The following ATP8B4 variants were observed in gnomAD, a reference collection of about 807,000 sequenced individuals.
ATP8B4 encodes the protein probable phospholipid-transporting ATPase IM.
A neutral mutation model predicts 145.6 loss-of-function variants in ATP8B4; 133 were observed. That is an observed-to-expected ratio of 0.91 (90% CI 0.79 to 1.05). The LOEUF is 1.05. Among genes scored for constraint, ATP8B4 ranks in the 50% least tolerant of loss-of-function variants. ATP8B4 has a pLI of 0.00. For synonymous variants in ATP8B4, 507 were observed against 492.9 expected (o/e 1.03, Z -0.38); for missense variants, 1,458 against 1,425.2 (o/e 1.02, Z -0.37).
rs56814126 is a variant in ATP8B4, at chr15:50,027,379, G to GTGGATGGATGGATGGATGGATGGATGGA, written c.362+11361_362+11388dup. Reference sequence around the variant, plus strand: ...TGTTATTTAAATATGGGATGGATGGGTGGATGGATGGATGGATGGATGGAT... The same window carrying GTGGATGGATGGATGGATGGATGGATGGA: ...TGTTATTTAAATATGGGATGGATGGGTGGATGGATGGATGGATGGATGGATGGATGGATGGATGGATGGATGGATGGAT... On this transcript the variant is annotated intron_variant, in intron 6 of 27. Coordinates refer to ENST00000284509, the MANE Select transcript of ATP8B4 (RefSeq NM_024837.4). Among the ~76,000 whole-genome samples, 627 of 149,018 alleles carry GTGGATGGATGGATGGATGGATGGATGGA rather than the reference G, an allele frequency of 4.2e-3. 2 individuals are homozygous for GTGGATGGATGGATGGATGGATGGATGGA. Among genetic ancestry groups the GTGGATGGATGGATGGATGGATGGATGGA allele is most frequent in the African/African-American group, 0.011 (444 of 39,918 alleles).
intron 1 of ATP8B4, among the ~76,000 whole-genome samples, chr15:50,163,690 C>A (rs1032073748): frequency 4.6e-5 from 7 of 152,182 alleles, no homozygotes; most frequent in African/African-American, 1.7e-4. Context: ...ATGGTGAATC[C>A]AGCCTTGCTT....
chr15:49,897,571 G>T, intron 22 of ATP8B4, 56 bp from the exon 23 acceptor site: 1 of 1,371,758 alleles, frequency 7.3e-7, no homozygotes, highest in Non-Finnish European at 9.6e-7. Context: ...ATCTCTTTTG[G>T]AAACTTGTCA....
At chr15:50,087,223 CTA>C (rs1195664484) in intron 2 of ATP8B4, among the ~76,000 whole-genome samples, 4 of 126,736 alleles carry the variant, frequency 3.2e-5, no homozygotes, top group Non-Finnish European at 4.8e-5. Flanking sequence ...ATATATAGAT[CTA>C]TATTTATTAT....
intron 6 of ATP8B4, among the ~76,000 whole-genome samples, chr15:50,014,339 C>T (rs1473951475): frequency 6.6e-6 from 1 of 152,260 alleles, no homozygotes; most frequent in African/African-American, 2.4e-5. Context: ...TTGTTCACCA[C>T]TCCATCCTGA....
chr15:49,866,606 C>G, intron 25 of ATP8B4, 122 bp from the exon 26 acceptor site: 1 of 1,175,072 alleles, frequency 8.5e-7, no homozygotes, highest in South Asian at 1.5e-5. Flanking sequence ...AGTTGCCAAG[C>G]CAACCGCGGG....
intron 1 of ATP8B4, among the ~76,000 whole-genome samples, chr15:50,162,312 T>C (rs1293492678): frequency 2.7e-5 from 4 of 150,708 alleles, no homozygotes; most frequent in African/African-American, 9.7e-5. Context: ...ATTAATATCT[T>C]TATTTATATA....
intron 1 of ATP8B4, among the ~76,000 whole-genome samples, chr15:50,118,614 C>T (rs2057221555): frequency 6.6e-6 from 1 of 152,174 alleles, no homozygotes; most frequent in Non-Finnish European, 1.5e-5. Flanking sequence ...AACAAAACAA[C>T]TAGAAGGATA....
intron 1 of ATP8B4, among the ~76,000 whole-genome samples, chr15:50,150,611 C>A (rs1240280409): frequency 6.6e-6 from 1 of 152,170 alleles, no homozygotes; most frequent in Admixed American, 6.5e-5. Context: ...GAGTTTGAAG[C>A]GAAGCTCTCA....
intron 3 of ATP8B4, among the ~76,000 whole-genome samples, chr15:50,072,749 C>A (rs922335708): frequency 1.3e-5 from 2 of 151,464 alleles, no homozygotes; most frequent in Non-Finnish European, 2.9e-5. Flanking sequence ...CCTCAGCCTC[C>A]CGAGTAGCTG....
chr15:49,958,429 T>C (rs1056369717), intron 14 of ATP8B4, among the ~76,000 whole-genome samples: 17 of 151,608 alleles, frequency 1.1e-4, no homozygotes, highest in African/African-American at 3.9e-4. Context: ...GCAGAAGTTA[T>C]TGATTAAAAT....
At chr15:49,940,020 C>T (rs796576935) in intron 14 of ATP8B4, among the ~76,000 whole-genome samples, 62 of 152,140 alleles carry the variant, frequency 4.1e-4, no homozygotes, top group African/African-American at 1.5e-3. Flanking sequence ...ACAGAACTAC[C>T]ATTTAAGCCA....
intron 2 of ATP8B4, among the ~76,000 whole-genome samples, chr15:50,105,482 T>C (rs989929455): frequency 3.3e-5 from 5 of 152,152 alleles, no homozygotes; most frequent in African/African-American, 9.7e-5. Flanking sequence ...AATAATGTTA[T>C]TGAGAAATGT....
intron 3 of ATP8B4, among the ~76,000 whole-genome samples, chr15:50,054,172 TA>T (rs1365521875): frequency 9.2e-5 from 14 of 152,216 alleles, no homozygotes; most frequent in Non-Finnish European, 8.8e-5. Flanking sequence ...CTTCACAGCT[TA>T]ACCCAGTAAG....
intron 3 of ATP8B4, among the ~76,000 whole-genome samples, chr15:50,051,956 GT>G (rs1268542604): frequency 1.3e-5 from 2 of 152,166 alleles, no homozygotes; most frequent in African/African-American, 4.8e-5. Flanking sequence ...TACTCGTTCT[GT>G]TGTAACTTAG....
intron 1 of ATP8B4, among the ~76,000 whole-genome samples, chr15:50,158,566 G>T (rs896175653): frequency 3.9e-5 from 6 of 152,172 alleles, no homozygotes; most frequent in Non-Finnish European, 8.8e-5. Flanking sequence ...GGGAAGTGAG[G>T]AGCCCCTCTG....
Position 49,864,323 on chromosome 15 carries a change from C to CTAT in ATP8B4, c.3167-1951_3167-1949dup, listed in dbSNP as rs545190244. ...TTGTAACCTTACTAACCTTATAATC[C>CTAT]TATTTTAGTCCTTGTGGTCTTATTT... On this transcript the variant is annotated intron_variant, in intron 26 of 27. Coordinates refer to ENST00000284509, the MANE Select transcript of ATP8B4 (RefSeq NM_024837.4). Among the ~76,000 whole-genome samples, 258 of 152,290 alleles carry CTAT rather than the reference C, an allele frequency of 1.7e-3. 2 individuals carry two copies. Among genetic ancestry groups the CTAT allele is most frequent in the African/African-American group, 5.9e-3 (245 of 41,570 alleles).
chr15:49,948,956 T>A (rs1302494733), intron 14 of ATP8B4, among the ~76,000 whole-genome samples: 2 of 152,198 alleles, frequency 1.3e-5, no homozygotes, highest in Non-Finnish European at 2.9e-5. Flanking sequence ...TTTGTCAGGT[T>A]CGTCGAAGAT....
chr15:49,949,908 T>C (rs2042915400), intron 14 of ATP8B4, among the ~76,000 whole-genome samples: 1 of 152,326 alleles, frequency 6.6e-6, no homozygotes, highest in Admixed American at 6.5e-5. Flanking sequence ...TCTGCATCTA[T>C]TGAGAAAATC....
intron 7 of ATP8B4, among the ~76,000 whole-genome samples, chr15:50,005,229 A>G (rs1277551264): frequency 1.3e-5 from 2 of 152,188 alleles, no homozygotes; most frequent in East Asian, 3.8e-4. Context: ...CCCAACTTCC[A>G]TGGGCAACAG....
Sources: allele counts gnomAD v4.1 joint callset (sites outside exome capture counted in the v4.1 genomes callset), GRCh38; gene constraint gnomAD v4.1.1; transcripts MANE v1.5; gene names NCBI Gene and HGNC (gene_info 2026-07-23, HGNC 2026-07-21).